The following SGK1 variants were observed in gnomAD, a reference collection of about 807,000 sequenced individuals.
SGK1 encodes the protein serum/glucocorticoid regulated kinase 1.
In SGK1, 26 loss-of-function variants were observed where a neutral mutation model predicts 64.2. The observed-to-expected ratio is 0.40, with a 90% confidence interval of 0.30 to 0.56. The LOEUF (loss-of-function observed/expected upper bound fraction) is 0.56, where lower values mean the gene tolerates loss of function less well. Ranked by LOEUF, SGK1 falls within the 20% of genes least tolerant of loss-of-function variation. The pLI is 0.38. For synonymous variants in SGK1, 265 were observed against 239.7 expected, an observed-to-expected ratio of 1.11 and a Z score of -0.98; for missense variants, 519 against 645.6, an observed-to-expected ratio of 0.80 and a Z score of 2.12.
chr6:134,263,916 T>C (rs1203890492), intron 1 of SGK1, among the ~76,000 whole-genome samples: 10 of 152,054 alleles, frequency 6.6e-5, no homozygotes, highest in African/African-American at 2.2e-4. Context: ...AATAAATAAG[T>C]AAATGAAGAA....
At chr6:134,190,316 G>T in intron 3 of SGK1, among the ~76,000 whole-genome samples, 1 of 142,870 alleles carries the variant, frequency 7.0e-6, no homozygotes. Flanking sequence ...GATAGAGTCT[G>T]GCTGTATCAC....
At chr6:134,280,476 C>G (rs1264331534) in intron 1 of SGK1, among the ~76,000 whole-genome samples, 1 of 152,150 alleles carries the variant, frequency 6.6e-6, no homozygotes, top group African/African-American at 2.4e-5. Context: ...CAAGGTCTCA[C>G]TATATTGCCC....
chr6:134,250,682 A>T (rs1776593822), intron 2 of SGK1, among the ~76,000 whole-genome samples: 1 of 152,222 alleles, frequency 6.6e-6, no homozygotes, highest in African/African-American at 2.4e-5. Flanking sequence ...ATTTGTAAGA[A>T]GAGTCTTTTC....
intron 3 of SGK1, among the ~76,000 whole-genome samples, chr6:134,199,029 G>A (rs1488593306): frequency 2.0e-5 from 3 of 152,114 alleles, no homozygotes; most frequent in South Asian, 2.1e-4. Flanking sequence ...GGGACCATAC[G>A]TGCAAGCCAC....
chr6:134,187,831 T>C (rs1775447768), intron 3 of SGK1, among the ~76,000 whole-genome samples: 1 of 152,208 alleles, frequency 6.6e-6, no homozygotes, highest in African/African-American at 2.4e-5. Flanking sequence ...AAGTGTCTAC[T>C]GCAGTAAGGA....
Position 134,175,478 on chromosome 6 carries a change from C to T in SGK1, c.362-892G>A. The T allele has an allele frequency of 3.0e-6, 4 of 1,344,870 alleles. No homozygotes were observed. The South Asian group carries it at 7.3e-5, about 24-fold the overall frequency. The allele number at this position is 1,344,870 out of a possible 1,614,324, so 83.3% of individuals were successfully genotyped here. A position where few individuals can be genotyped will look rare whatever the true frequency, so the allele number is the denominator to read the frequency against. ...CCCCGAGAACTCCGACGAAAGCCGG[C>T]CCCTGCCTCCAAGCCGCTCTGGGGA... On this transcript the variant is annotated intron_variant, in intron 3 of 13. Coordinates refer to ENST00000367858, the MANE Select transcript of SGK1 (RefSeq NM_001143676.3).
At chr6:134,189,872 C>T (rs1278095148) in intron 3 of SGK1, among the ~76,000 whole-genome samples, 11 of 152,018 alleles carry the variant, frequency 7.2e-5, no homozygotes, top group African/African-American at 1.4e-4. Flanking sequence ...TGTTTTGAGA[C>T]GGAGTCTCAC....
chr6:134,211,894 A>G, intron 2 of SGK1, among the ~76,000 whole-genome samples: 1 of 151,104 alleles, frequency 6.6e-6, no homozygotes, highest in East Asian at 2.0e-4. Flanking sequence ...AAAAAAAAAA[A>G]AAAAAATCCC....
In SGK1 at chr6:134,310,265, C is replaced by T. The variant is rs546510558; in HGVS notation, c.69+7127G>A. The stretch of plus-strand genomic sequence containing the variant: ...TCAGCTACACTTTCCATTCAAAATC[C>T]CTCCCAAGCACTGTAGCTAAGAGCC... On this transcript the variant is annotated intron_variant, in intron 1 of 13. Transcript: ENST00000367858. Among the ~76,000 whole-genome samples the T allele has an allele frequency of 2.0e-5, 3 of 152,262 alleles. No individual in the cohort carries two copies. In the South Asian group the frequency reaches 6.2e-4, roughly 32 times the overall value.
intron 2 of SGK1, among the ~76,000 whole-genome samples, chr6:134,238,652 A>G (rs17235811): frequency 0.023 from 3,444 of 152,278 alleles, 53 homozygotes; most frequent in Non-Finnish European, 0.036. Flanking sequence ...CATGGAAATA[A>G]TTAGTGCTTT....
chr6:134,259,446 C>A (rs1381307806), intron 2 of SGK1, among the ~76,000 whole-genome samples: 3 of 151,204 alleles, frequency 2.0e-5, no homozygotes, highest in Admixed American at 2.0e-4. Flanking sequence ...TCAAGACCAG[C>A]CTGGCCAACA....
chr6:134,267,136 G>A lies in SGK1; in HGVS notation c.70-4988C>T, dbSNP rs77911965. ...ATCTCCCCTGACTCCCTGAACACCC[G>A]CACTCTAGAGCTTGAGTTATGGCCA... is the stretch of plus-strand genomic sequence containing the variant. On this transcript the variant is annotated intron_variant, in intron 1 of 13. Coordinates refer to ENST00000367858, the MANE Select transcript of SGK1 (RefSeq NM_001143676.3). Among the ~76,000 whole-genome samples, 954 of 151,822 alleles carry A rather than the reference G, an allele frequency of 6.3e-3. 10 individuals carry two copies. Among genetic ancestry groups the A allele is most frequent in the African/African-American group, 0.021 (886 of 41,380 alleles).
rs1342789377 is a variant in SGK1 at position 134,173,525 on chromosome 6, A to G, written c.555T>C (p.Asn185=). 3 of 1,612,814 alleles carry G rather than the reference A, an allele frequency of 1.9e-6. No individual in the cohort carries two copies. Among genetic ancestry groups the G allele is most frequent in the Non-Finnish European group, 2.5e-6 (3 of 1,179,628 alleles). ...SQQINLGPSS[N]PHAKPSDFHF... ...GAAAGTCAGATGGTTTAGCATGAGG[A>G]TTGGACGACGGGCCAAGGTTGATTT... The change falls in exon 6 of 14, where the codon AAT becomes AAC. Residue 185 remains asparagine, a synonymous_variant. Coordinates refer to ENST00000367858, the MANE Select transcript of SGK1 (RefSeq NM_001143676.3).
At position 134,174,087 on chromosome 6, in the gene SGK1, G is replaced by A. The variant is rs932658620; in HGVS notation, c.438-7C>T. 6.8e-6 allele frequency: 11 copies of A among 1,609,028 alleles called. No homozygotes were observed. The highest frequency in any genetic ancestry group is 8.5e-6 in the Non-Finnish European group (10 of 1,177,610). Reference sequence around the variant, plus strand: ...GATGGACTGAACTTCAGGGCTGCAGGGAATAAAGGGCACGATTTAGAATCC... The same window carrying A: ...GATGGACTGAACTTCAGGGCTGCAGAGAATAAAGGGCACGATTTAGAATCC... On this transcript the variant is annotated splice_region_variant and splice_polypyrimidine_tract_variant and intron_variant, in intron 4 of 13. Coordinates refer to ENST00000367858, the MANE Select transcript of SGK1 (RefSeq NM_001143676.3).
intron 3 of SGK1, among the ~76,000 whole-genome samples, chr6:134,199,152 A>C (rs886771926): frequency 6.6e-6 from 1 of 152,210 alleles, no homozygotes; most frequent in African/African-American, 2.4e-5. Flanking sequence ...ACTATGGTTT[A>C]CTTGATGATA....
chr6:134,206,526 G>A (rs764279079), intron 3 of SGK1, among the ~76,000 whole-genome samples: 2 of 149,928 alleles, frequency 1.3e-5, no homozygotes, highest in Non-Finnish European at 3.0e-5. Flanking sequence ...TAGTATATAC[G>A]TTTTAGATAC....
At chr6:134,219,835 G>A (rs1402514167) in intron 2 of SGK1, among the ~76,000 whole-genome samples, 6 of 147,402 alleles carry the variant, frequency 4.1e-5, no homozygotes, top group Non-Finnish European at 9.0e-5. Context: ...CGAGGCGGGC[G>A]GATCACGAGG....
intron 2 of SGK1, among the ~76,000 whole-genome samples, chr6:134,233,149 A>G (rs1776315580): frequency 6.6e-6 from 1 of 152,154 alleles, no homozygotes; most frequent in Non-Finnish European, 1.5e-5. Context: ...GAGTTTCATG[A>G]TTACAAAACG....
At chr6:134,222,579 A>T (rs889262881) in intron 2 of SGK1, among the ~76,000 whole-genome samples, 1 of 151,148 alleles carries the variant, frequency 6.6e-6, no homozygotes, top group Non-Finnish European at 1.5e-5. Context: ...CAGGTGATCC[A>T]CCCACCTCAT....
Sources: allele counts gnomAD v4.1 joint callset (sites outside exome capture counted in the v4.1 genomes callset), GRCh38; gene constraint gnomAD v4.1.1; transcripts MANE v1.5; gene names NCBI Gene and HGNC (gene_info 2026-07-23, HGNC 2026-07-21).